The following RIMS2 variants were observed in gnomAD, a reference collection of about 807,000 sequenced individuals.
RIMS2 encodes the protein regulating synaptic membrane exocytosis protein 2.
A neutral mutation model predicts 174.4 loss-of-function variants in RIMS2; 59 were observed. The observed-to-expected ratio is 0.34, with a 90% CI of 0.27 to 0.42. The LOEUF is 0.42. RIMS2 is among the 10% of genes least tolerant of loss of function. The pLI, the probability that RIMS2 is intolerant of heterozygous loss-of-function variation, is 1.00. For synonymous variants in RIMS2, 606 were observed against 572.5 expected, an observed-to-expected ratio of 1.06 and a Z score of -0.84; for missense variants, 1,620 against 1,666.3, an observed-to-expected ratio of 0.97 and a Z score of 0.48.
chr8:104,200,290 G>A (rs2099048164), intron 19 of RIMS2, among the ~76,000 whole-genome samples: 1 of 152,198 alleles, frequency 6.6e-6, no homozygotes, highest in South Asian at 2.1e-4. Flanking sequence ...TTGATTGGAA[G>A]CCCTGAATTC....
Position 103,734,317 on chromosome 8 carries a change from CTTTT to C in RIMS2, c.388-31895_388-31892del, listed in dbSNP as rs752360759. Reference sequence around the variant, plus strand: ...TGAGCCACCACACCTGGCCTAAAAGCTTTTTTTTTTTTTTTTTTAACATTTCTTT... The same window carrying C: ...TGAGCCACCACACCTGGCCTAAAAGCTTTTTTTTTTTTTTAACATTTCTTT... On this transcript the variant is annotated intron_variant, in intron 2 of 23. Transcript: ENST00000504942. 3.6e-3 allele frequency among the ~76,000 whole-genome samples: 444 copies of C among 121,708 alleles called. 4 individuals are homozygous for C. Among genetic ancestry groups the C allele is most frequent in the African/African-American group, 0.013 (415 of 32,620 alleles). 79.8% of individuals were successfully genotyped at this position (121,708 alleles called of 152,430 possible).
At chr8:103,821,376 A>G (rs949876048) in intron 3 of RIMS2, among the ~76,000 whole-genome samples, 25 of 151,694 alleles carry the variant, frequency 1.6e-4, no homozygotes, top group African/African-American at 5.6e-4. Flanking sequence ...ATTATTATCT[A>G]AAACTATCCC....
chr8:103,852,614 G>T (rs755959285), intron 3 of RIMS2, among the ~76,000 whole-genome samples: 1 of 151,690 alleles, frequency 6.6e-6, no homozygotes, highest in Non-Finnish European at 1.5e-5. Context: ...ATGTCCATGG[G>T]TGTTCAATAT....
chr8:103,951,554 C>T (rs2085369191), intron 14 of RIMS2, among the ~76,000 whole-genome samples: 1 of 152,192 alleles, frequency 6.6e-6, no homozygotes, highest in Admixed American at 6.5e-5. Context: ...AGGGACTGTA[C>T]CTTGGACTCT....
chr8:103,522,130 C>T (rs1831993625), intron 1 of RIMS2, among the ~76,000 whole-genome samples: 1 of 152,094 alleles, frequency 6.6e-6, no homozygotes, highest in Non-Finnish European at 1.5e-5. Flanking sequence ...TTCCTCCATT[C>T]TACTGCATAG....
intron 4 of RIMS2, among the ~76,000 whole-genome samples, chr8:103,894,542 C>A (rs1050286241): frequency 6.6e-6 from 1 of 151,174 alleles, no homozygotes; most frequent in Non-Finnish European, 1.5e-5. Flanking sequence ...GTTTATCAAT[C>A]GATATCAGTG....
At chr8:103,595,961 T>C (rs935986504) in intron 1 of RIMS2, among the ~76,000 whole-genome samples, 9 of 151,966 alleles carry the variant, frequency 5.9e-5, no homozygotes, top group African/African-American at 1.9e-4. Flanking sequence ...TATTTCTCTC[T>C]CTTACAAATC....
At chr8:103,622,940 G>A (rs959063903) in intron 1 of RIMS2, among the ~76,000 whole-genome samples, 1 of 152,220 alleles carries the variant, frequency 6.6e-6, no homozygotes, top group African/African-American at 2.4e-5. Context: ...CAGGATGGCT[G>A]TCAAAGGAAC....
At chr8:103,921,843 T>C (rs1037569691) in intron 10 of RIMS2, 59 bp downstream of exon 13, 1 of 693,304 alleles carries the variant, frequency 1.4e-6, no homozygotes, top group South Asian at 1.7e-5. Context: ...TTTTAAAATA[T>C]GATGCTTGTT....
rs1164760847 is a variant in RIMS2 at position 103,583,959 on chromosome 8, T to C, written c.176+82897T>C. Among the ~76,000 whole-genome samples, 6 of 152,104 alleles carry C rather than the reference T, an allele frequency of 3.9e-5. No individual in the cohort carries two copies. In the East Asian group the frequency reaches 1.2e-3, roughly 29 times the overall value. On this transcript the variant is annotated intron_variant, in intron 1 of 23. Transcript: ENST00000504942. ...CCTATAGAAAGATATTATATCCAAG[T>C]ACAAGAAGGTTATAGAACTAAAGCA...
At chr8:103,612,849 G>A (rs1249221881) in intron 1 of RIMS2, among the ~76,000 whole-genome samples, 1 of 152,180 alleles carries the variant, frequency 6.6e-6, no homozygotes, top group South Asian at 2.1e-4. Context: ...GATTACAGGC[G>A]TGAGCCACTG....
At chr8:103,752,084 G>A (rs1411697800) in intron 2 of RIMS2, among the ~76,000 whole-genome samples, 1 of 152,160 alleles carries the variant, frequency 6.6e-6, no homozygotes, top group African/African-American at 2.4e-5. Flanking sequence ...CTGGTTTTAG[G>A]TCTAATGTTT....
intron 19 of RIMS2, among the ~76,000 whole-genome samples, chr8:104,045,703 TTATGA>T (rs2096682140): frequency 1.3e-5 from 2 of 151,836 alleles, no homozygotes; most frequent in Non-Finnish European, 2.9e-5. Flanking sequence ...TTTATTTTTG[TTATGA>T]TATGTTAATA....
intron 19 of RIMS2, among the ~76,000 whole-genome samples, chr8:104,085,964 T>G (rs1163533945): frequency 1.3e-5 from 2 of 152,122 alleles, no homozygotes; most frequent in Non-Finnish European, 2.9e-5. Context: ...AAGGATTTTA[T>G]TAGTCATTAC....
intron 19 of RIMS2, among the ~76,000 whole-genome samples, chr8:104,018,905 G>A (rs2096004504): frequency 6.6e-6 from 1 of 151,964 alleles, no homozygotes; most frequent in Admixed American, 6.6e-5. Flanking sequence ...TAAATGAAAT[G>A]CATACCTTTT....
In RIMS2 at chr8:103,916,748, AAAG is replaced by A. The variant is rs1443706348; in HGVS notation, c.2036+220_2036+222del. ...ATGGTAGAATATATAGTTAATTACA[AAAG>A]AAGAAGAAATATTTAGGTGTTTATT... is the stretch of plus-strand genomic sequence containing the variant. On this transcript the variant is annotated intron_variant, in intron 8 of 23. Coordinates refer to ENST00000504942, the Ensembl canonical transcript of RIMS2. 2.6e-5 allele frequency among the ~76,000 whole-genome samples: 4 copies of A among 152,102 alleles called. No individual in the cohort carries two copies. The East Asian group carries it at 7.7e-4, about 29-fold the overall frequency.
intron 3 of RIMS2, among the ~76,000 whole-genome samples, chr8:103,859,244 C>T (rs1167488776): frequency 6.6e-6 from 1 of 152,088 alleles, no homozygotes; most frequent in South Asian, 2.1e-4. Context: ...CCCACTGGAA[C>T]CTTCACTTTC....
At chr8:104,087,063 A>G (rs1222564156) in intron 19 of RIMS2, among the ~76,000 whole-genome samples, 1 of 152,170 alleles carries the variant, frequency 6.6e-6, no homozygotes, top group African/African-American at 2.4e-5. Flanking sequence ...CATTTACTGT[A>G]ACAGCACTGC....
rs536468515 is a variant in RIMS2 at position 103,607,906 on chromosome 8, A to AT, written c.177-89173dup. Among the ~76,000 whole-genome samples, 826 of 135,370 alleles carry AT rather than the reference A, an allele frequency of 6.1e-3. 5 individuals carry two copies. Among genetic ancestry groups the AT allele is most frequent in the Non-Finnish European group, 9.5e-3 (595 of 62,854 alleles). The allele number at this position is 135,370 out of a possible 152,430, so 88.8% of individuals were successfully genotyped here. ...TTATTCTAGTTATACATTCTTCTAA[A>AT]TTTTTTTCAAAGTTTTCAACTTCTT... On this transcript the variant is annotated intron_variant, in intron 1 of 23. Coordinates refer to ENST00000504942, the Ensembl canonical transcript of RIMS2.
Sources: gnomAD v4.1 joint callset for allele counts (sites outside exome capture counted in the v4.1 genomes callset) on GRCh38, gnomAD v4.1.1 for gene constraint, MANE v1.5 for transcripts, NCBI Gene and HGNC (gene_info 2026-07-23, HGNC 2026-07-21) for gene names.